Variants in ZFYVE28 observed in about 807,000 individuals in gnomAD.
ZFYVE28 encodes zinc finger FYVE-type containing 28, also known as lateral signaling target protein 2 homolog.
A neutral mutation model predicts 82.1 loss-of-function variants in ZFYVE28; 40 were observed. The observed-to-expected ratio is 0.49, with a 90% confidence interval of 0.38 to 0.63. The LOEUF is 0.63. Ranked by LOEUF, ZFYVE28 falls within the 30% of genes least tolerant of loss-of-function variation. ZFYVE28 has a pLI of 0.00. For synonymous variants in ZFYVE28, 612 were observed against 546.1 expected (o/e 1.12, Z -1.68); for missense variants, 1,321 against 1,242.1 (o/e 1.06, Z -0.96).
intron 7 of ZFYVE28, among the ~76,000 whole-genome samples, chr4:2,308,671 A>AGAG (rs1560182290): frequency 1.8e-5 from 2 of 111,226 alleles, no homozygotes; most frequent in African/African-American, 7.6e-5. Context: ...GAAAGAAAGA[A>AGAG]AGAAAGAGAA....
At chr4:2,393,600 G>A (rs1730066166) in intron 1 of ZFYVE28, among the ~76,000 whole-genome samples, 1 of 152,184 alleles carries the variant, frequency 6.6e-6, no homozygotes, top group African/African-American at 2.4e-5. Flanking sequence ...ATGTAGCCCT[G>A]AAGTGTATTT....
rs777840126 is a variant in ZFYVE28 at position 2,339,679 on chromosome 4, GA to G, written c.319-25del. The G allele has an allele frequency of 4.3e-5, 67 of 1,569,002 alleles. No individual in the cohort carries two copies. The highest frequency in any genetic ancestry group is 5.7e-5 in the Non-Finnish European group (66 of 1,158,510). ...CACTGCGGGAGGGGACACACTCAGGGAGGGGCCCGGGTGAGGGCCAGGCTCT... is the reference window on the plus strand; with the variant it reads ...CACTGCGGGAGGGGACACACTCAGGGGGGGCCCGGGTGAGGGCCAGGCTCT... On this transcript the variant is annotated intron_variant, in intron 3 of 12. Transcript: ENST00000290974. The surrounding 1 kb of genome is among the most constrained non-coding windows in gnomAD (Gnocchi z 5.0).
intron 8 of ZFYVE28, among the ~76,000 whole-genome samples, chr4:2,289,032 C>A (rs1051230707): frequency 1.3e-5 from 2 of 151,886 alleles, no homozygotes; most frequent in African/African-American, 2.4e-5. Context: ...GCCTGTAATC[C>A]CAACACTTTG....
chr4:2,346,067 G>A (rs1402741454), intron 2 of ZFYVE28, among the ~76,000 whole-genome samples: 2 of 151,592 alleles, frequency 1.3e-5, no homozygotes, highest in African/African-American at 2.4e-5. Flanking sequence ...GGTGGCTCAC[G>A]CCTGTAATCC....
intron 1 of ZFYVE28, among the ~76,000 whole-genome samples, chr4:2,384,608 A>G (rs959995727): frequency 2.0e-5 from 3 of 152,184 alleles, no homozygotes; most frequent in African/African-American, 7.2e-5. Flanking sequence ...GGGGAGCAGA[A>G]GCACAGAGGG....
intron 1 of ZFYVE28, among the ~76,000 whole-genome samples, chr4:2,367,368 A>C (rs1337877432): frequency 6.6e-6 from 1 of 152,236 alleles, no homozygotes; most frequent in Non-Finnish European, 1.5e-5. Context: ...TCCCCCGCTC[A>C]AGCCCCCCGT....
At chr4:2,296,049 TG>T (rs1209742160) in intron 8 of ZFYVE28, among the ~76,000 whole-genome samples, 1 of 151,984 alleles carries the variant, frequency 6.6e-6, no homozygotes, top group African/African-American at 2.4e-5. Context: ...GGGCCCTGGG[TG>T]GGGTCATGAG....
At chr4:2,283,015 C>A (rs917860958) in intron 8 of ZFYVE28, among the ~76,000 whole-genome samples, 1 of 152,168 alleles carries the variant, frequency 6.6e-6, no homozygotes, top group Non-Finnish European at 1.5e-5. Context: ...ATTAGCAGCT[C>A]GGGCATTTGT....
At chr4:2,402,968 G>C (rs1162328842) in intron 1 of ZFYVE28, among the ~76,000 whole-genome samples, 1 of 152,238 alleles carries the variant, frequency 6.6e-6, no homozygotes, top group Non-Finnish European at 1.5e-5. Flanking sequence ...AGCACCCTCA[G>C]AAACAGGATC....
chr4:2,381,165 T>TTGCTCA (rs142966804), intron 1 of ZFYVE28, among the ~76,000 whole-genome samples: 1 of 151,684 alleles, frequency 6.6e-6, no homozygotes, highest in Non-Finnish European at 1.5e-5. Context: ...ATGAGGAACT[T>TTGCTCA]GTTGGGAACT....
rs373249348 is a variant in ZFYVE28, at chr4:2,413,615, G to A, written c.39+4670C>T. 9.2e-5 allele frequency among the ~76,000 whole-genome samples: 14 copies of A among 152,342 alleles called. No individual in the cohort carries two copies. In the East Asian group the frequency reaches 1.2e-3, roughly 13 times the overall value. On this transcript the variant is annotated intron_variant, in intron 1 of 12. Transcript: ENST00000290974. ...GCTTTCCAGCAGCTCACCTCAGAGAGAAACGTGCCAGGCCAAGGACAACCC... is the reference window on the plus strand; with the variant it reads ...GCTTTCCAGCAGCTCACCTCAGAGAAAAACGTGCCAGGCCAAGGACAACCC...
At chr4:2,376,310 G>A (rs1728128946) in intron 1 of ZFYVE28, among the ~76,000 whole-genome samples, 1 of 148,574 alleles carries the variant, frequency 6.7e-6, no homozygotes. Flanking sequence ...GCTGAGGTGG[G>A]AGGATCATTT....
intron 1 of ZFYVE28, chr4:2,364,749 G>A: frequency 4.1e-6 from 4 of 985,546 alleles, no homozygotes; most frequent in South Asian, 9.4e-5. Context: ...GCATAACGTT[G>A]TGCATTCCCG....
intron 1 of ZFYVE28, among the ~76,000 whole-genome samples, chr4:2,369,289 G>C (rs1298477246): frequency 6.6e-6 from 1 of 152,166 alleles, no homozygotes; most frequent in Non-Finnish European, 1.5e-5. Flanking sequence ...TGAGACAAGG[G>C]TCCCCCCTGC....
chr4:2,392,738 A>C (rs747448081), intron 1 of ZFYVE28, among the ~76,000 whole-genome samples: 9 of 152,138 alleles, frequency 5.9e-5, no homozygotes, highest in Admixed American at 3.3e-4. Flanking sequence ...TCCAAGGAAA[A>C]GTTATCAAAG....
intron 8 of ZFYVE28, among the ~76,000 whole-genome samples, chr4:2,302,870 C>T (rs1031698171): frequency 6.6e-6 from 1 of 152,242 alleles, no homozygotes; most frequent in Non-Finnish European, 1.5e-5. Context: ...GGAGGTCACA[C>T]ACCACAGATG....
At position 2,270,598 on chromosome 4, in the gene ZFYVE28, G is replaced by A. The variant is rs1184406700; in HGVS notation, c.*127C>T. The A allele has an allele frequency of 5.1e-6, 7 of 1,369,736 alleles. No individual in the cohort carries two copies. Among genetic ancestry groups the A allele is most frequent in the Middle Eastern group, 2.3e-4 (1 of 4,282 alleles). 84.8% of individuals were successfully genotyped at this position (1,369,736 alleles called of 1,614,324 possible). On this transcript the variant is annotated 3_prime_UTR_variant, in exon 13 of 13. Coordinates refer to ENST00000290974, the MANE Select transcript of ZFYVE28 (RefSeq NM_020972.3). ...GCAGGACAGAGGCTCTGGATGCTCTGGAGGTCTGGGTGCCCCTGCAGCAGC... is the reference window on the plus strand; with the variant it reads ...GCAGGACAGAGGCTCTGGATGCTCTAGAGGTCTGGGTGCCCCTGCAGCAGC...
chr4:2,301,938 G>A (rs1715607022), intron 8 of ZFYVE28, among the ~76,000 whole-genome samples: 1 of 152,222 alleles, frequency 6.6e-6, no homozygotes, highest in Admixed American at 6.5e-5. Context: ...TGGCACGTCT[G>A]TGACAGGAAA....
chr4:2,359,872 T>C (rs531284581), intron 1 of ZFYVE28, among the ~76,000 whole-genome samples: 11 of 152,074 alleles, frequency 7.2e-5, no homozygotes, highest in Non-Finnish European at 1.5e-4. Context: ...ACCTCAAATC[T>C]GTGGGCCTGT....
Sources: allele counts gnomAD v4.1 joint callset (sites outside exome capture counted in the v4.1 genomes callset), GRCh38; gene constraint gnomAD v4.1.1; non-coding constraint Gnocchi (gnomAD v3.1); transcripts MANE v1.5; gene names NCBI Gene and HGNC (gene_info 2026-07-23, HGNC 2026-07-21).